FSIP2: variants seen among roughly 807,000 people sequenced by gnomAD.
The protein encoded by FSIP2 is fibrous sheath-interacting protein 2.
FSIP2 carries 367 observed loss-of-function variants against 510.5 expected under a neutral mutation model. That is an observed-to-expected ratio of 0.72 (90% CI 0.66 to 0.78). FSIP2 has a LOEUF of 0.78. FSIP2 is among the 30% of genes least tolerant of loss of function. The pLI is 0.00. For missense variants in FSIP2, 7,594 were observed against 7,901.7 expected (o/e 0.96, Z 1.48); for synonymous variants, 2,601 against 2,732.2 (o/e 0.95, Z 1.50).
chr2:185,803,847 T>C lies in FSIP2; in HGVS notation c.14541T>C (p.Tyr4847=). The C allele has an allele frequency of 2.6e-6, 4 of 1,509,624 alleles. No homozygotes were observed. Among genetic ancestry groups the C allele is most frequent in the African/African-American group, 1.4e-5 (1 of 71,784 alleles). 93.5% of individuals were successfully genotyped at this position (1,509,624 alleles called of 1,614,324 possible). The change falls in exon 17 of 23, where the codon TAT becomes TAC. Residue 4847 remains tyrosine (Y), a synonymous_variant. Coordinates refer to ENST00000424728, the MANE Select transcript of FSIP2 (RefSeq NM_173651.4). ...ISKHEICIIK[Y]GNKKQSMISA... ...AACATGAAATATGTATTATTAAATA[T>C]GGGAATAAAAAACAGAGTATGATTT...
chr2:185,795,896 T>G lies in FSIP2; in HGVS notation c.8760T>G (p.Ile2920Met). Residue 2920 changes from isoleucine to methionine, a missense_variant, in exon 16 of 23, where the codon ATT becomes ATG. Ile to Met is a conservative substitution (Grantham distance 10). Coordinates refer to ENST00000424728, the MANE Select transcript of FSIP2 (RefSeq NM_173651.4). Reference protein sequence around the residue: ...KAQINMFGREIVEMLLEKLQL... With the variant: ...KAQINMFGREMVEMLLEKLQL... ...AAATTAATATGTTTGGAAGGGAAATTGTTGAAATGCTACTTGAAAAACTAC... is the reference window on the plus strand; with the variant it reads ...AAATTAATATGTTTGGAAGGGAAATGGTTGAAATGCTACTTGAAAAACTAC... The G allele has an allele frequency of 6.5e-7, 1 of 1,533,562 alleles. No individual in the cohort carries two copies. The allele number at this position is 1,533,562 out of a possible 1,614,324, so 95.0% of individuals were successfully genotyped here.
At position 185,803,846 on chromosome 2, in the gene FSIP2, ATGGG is replaced by A; in HGVS notation, c.14541_14544del (p.Tyr4847Ter). ...AAACATGAAATATGTATTATTAAAT[ATGGG>A]AATAAAAAACAGAGTATGATTTCAG... is the stretch of plus-strand genomic sequence containing the variant. On this transcript the variant is annotated frameshift_variant, in exon 17 of 23. Coordinates refer to ENST00000424728, the MANE Select transcript of FSIP2 (RefSeq NM_173651.4). LOFTEE classifies it high-confidence loss of function. The A allele has an allele frequency of 6.6e-7, 1 of 1,508,674 alleles. No individual in the cohort carries two copies. The highest frequency in any genetic ancestry group is 2.1e-5 in the Admixed American group (1 of 47,564). 93.5% of individuals were successfully genotyped at this position (1,508,674 alleles called of 1,614,324 possible). A position where few individuals can be genotyped will look rare whatever the true frequency, so the allele number is the denominator to read the frequency against.
chr2:185,832,760 G>A (rs1694131118), intron 22 of FSIP2, among the ~76,000 whole-genome samples: 1 of 151,814 alleles, frequency 6.6e-6, no homozygotes, highest in South Asian at 2.1e-4. Flanking sequence ...ACTCAAAGTA[G>A]GTGAGAATTT....
chr2:185,794,672 C>A lies in FSIP2; in HGVS notation c.7536C>A (p.Ala2512=). 6.5e-7 allele frequency: 1 copy of A among 1,533,128 alleles called. No homozygotes were observed. The allele number at this position is 1,533,128 out of a possible 1,614,324, so 95.0% of individuals were successfully genotyped here. Residue 2512 remains alanine, a synonymous_variant, in exon 16 of 23, where the codon GCC becomes GCA. Transcript: ENST00000424728. ...TGHLPPLNET[A]NFISNSKIKT... ...ATTTGCCTCCACTTAATGAAACTGC[C>A]AACTTTATATCTAATTCTAAGATTA...
chr2:185,772,467 A>G (rs1397744739), intron 13 of FSIP2, among the ~76,000 whole-genome samples: 2 of 152,218 alleles, frequency 1.3e-5, no homozygotes, highest in African/African-American at 4.8e-5. Flanking sequence ...GCTTCCACTC[A>G]TGGCAGAAGG....
At chr2:185,774,392 T>A (rs990640583) in intron 13 of FSIP2, among the ~76,000 whole-genome samples, 2 of 152,188 alleles carry the variant, frequency 1.3e-5, no homozygotes, top group African/African-American at 4.8e-5. Context: ...GTGTCTTTAG[T>A]TAATAATATG....
intron 13 of FSIP2, among the ~76,000 whole-genome samples, chr2:185,771,862 A>G (rs1692614231): frequency 1.3e-5 from 2 of 152,170 alleles, no homozygotes; most frequent in African/African-American, 4.8e-5. Flanking sequence ...TCCCTTTTAA[A>G]TATAAGTTCC....
intron 2 of FSIP2, chr2:185,740,265 G>C (rs891032142): frequency 1.3e-5 from 2 of 152,140 alleles, no homozygotes; most frequent in Non-Finnish European, 2.9e-5. Context: ...TAGAGTTCAC[G>C]TTGCCCTTGA....
At chr2:185,737,393 T>C (rs772411597), upstream of FSIP2, among the ~76,000 whole-genome samples, 1 of 152,158 alleles carries the variant, frequency 6.6e-6, no homozygotes, top group Non-Finnish European at 1.5e-5. Context: ...ATCAAATTGA[T>C]ACAAGATGGA....
At chr2:185,771,540 T>C (rs1347982877) in intron 13 of FSIP2, among the ~76,000 whole-genome samples, 1 of 152,060 alleles carries the variant, frequency 6.6e-6, no homozygotes, top group African/African-American at 2.4e-5. Flanking sequence ...GGAGCTGGAG[T>C]GGCCAGGATG....
chr2:185,803,682 T>G lies in FSIP2; in HGVS notation c.14376T>G (p.Ser4792Arg). Residue 4792 changes from serine (S) to arginine (R), a missense_variant, in exon 17 of 23, where the codon AGT becomes AGG. By Grantham distance (110) the Ser-to-Arg change is moderately radical. Transcript: ENST00000424728. Reference sequence around the variant, plus strand: ...TGTATACCACTATGTTATCACATAGTCATTTGGAAAAAATAGTTACTCAGC... The same window carrying G: ...TGTATACCACTATGTTATCACATAGGCATTTGGAAAAAATAGTTACTCAGC... ...STMYTTMLSH[S>R]HLEKIVTQLT... 2 of 1,532,112 alleles carry G rather than the reference T, an allele frequency of 1.3e-6. No homozygotes were observed. Among genetic ancestry groups the G allele is most frequent in the Non-Finnish European group, 1.7e-6 (2 of 1,144,324 alleles). 94.9% of individuals were successfully genotyped at this position (1,532,112 alleles called of 1,614,324 possible). A position where few individuals can be genotyped will look rare whatever the true frequency, so the allele number is the denominator to read the frequency against.
chr2:185,810,785 A>C (rs1389326983), intron 17 of FSIP2, among the ~76,000 whole-genome samples: 1 of 151,988 alleles, frequency 6.6e-6, no homozygotes, highest in Non-Finnish European at 1.5e-5. Flanking sequence ...AGGAAGATTA[A>C]GGAGAGTTTG....
chr2:185,758,702 G>A (rs1326169396), intron 9 of FSIP2, among the ~76,000 whole-genome samples: 3 of 151,082 alleles, frequency 2.0e-5, no homozygotes, highest in Non-Finnish European at 3.0e-5. Context: ...TACCTGGGAA[G>A]ACAGGAAGAT....
At position 185,797,485 on chromosome 2, in the gene FSIP2, C is replaced by T; in HGVS notation, c.10349C>T (p.Thr3450Ile). 3 of 1,515,020 alleles carry T rather than the reference C, an allele frequency of 2.0e-6. No individual in the cohort carries two copies. Among genetic ancestry groups the T allele is most frequent in the South Asian group, 2.5e-5 (2 of 79,482 alleles). The allele number at this position is 1,515,020 out of a possible 1,614,324, so 93.8% of individuals were successfully genotyped here. ...NEVHLIARHVTTSVVTYLKNF... is the reference protein window; with the variant it reads ...NEVHLIARHVITSVVTYLKNF... ...GTTCATCTGATAGCAAGACATGTCA[C>T]CACATCTGTGGTCACATATTTGAAG... The change falls in exon 16 of 23, where the codon ACC (threonine) becomes ATC (isoleucine). Residue 3450 changes from threonine to isoleucine, a missense_variant. Physicochemically the swap from Thr to Ile is moderately conservative, Grantham distance 89. Coordinates refer to ENST00000424728, the MANE Select transcript of FSIP2 (RefSeq NM_173651.4).
chr2:185,808,693 T>G lies in FSIP2; in HGVS notation c.19387T>G (p.Ser6463Ala). ...KVASLIIDGV[S>A]SFPLDTINST... ...GGCTAGTTTAATTATTGATGGAGTT[T>G]CAAGTTTTCCATTAGATACAATTAA... The change falls in exon 17 of 23, where the codon TCA (serine) becomes GCA (alanine). Residue 6463 changes from serine (S) to alanine (A), a missense_variant. Transcript: ENST00000424728. The G allele has an allele frequency of 2.5e-6, 4 of 1,611,074 alleles. No individual in the cohort carries two copies. The highest frequency in any genetic ancestry group is 3.4e-6 in the Non-Finnish European group (4 of 1,178,406).
At chr2:185,832,524 C>T (rs183815903) in intron 22 of FSIP2, among the ~76,000 whole-genome samples, 9 of 151,826 alleles carry the variant, frequency 5.9e-5, no homozygotes, top group African/African-American at 1.7e-4. Context: ...GTGGCCCTAT[C>T]GCAACTTATT....
chr2:185,832,854 C>T (rs1377398315), intron 22 of FSIP2, among the ~76,000 whole-genome samples: 1 of 151,756 alleles, frequency 6.6e-6, no homozygotes, highest in East Asian at 1.9e-4. Flanking sequence ...AGTTAATTTC[C>T]CATTTAACTC....
At chr2:185,773,485 T>G (rs1692653476) in intron 13 of FSIP2, among the ~76,000 whole-genome samples, 1 of 152,196 alleles carries the variant, frequency 6.6e-6, no homozygotes, top group African/African-American at 2.4e-5. Context: ...TTAGATCACC[T>G]GATATTTTCC....
chr2:185,795,848 T>C lies in FSIP2; in HGVS notation c.8712T>C (p.Thr2904=), dbSNP rs1693258330. 2 of 1,532,426 alleles carry C rather than the reference T, an allele frequency of 1.3e-6. No homozygotes were observed. Among genetic ancestry groups the C allele is most frequent in the Non-Finnish European group, 8.7e-7 (1 of 1,145,476 alleles). 94.9% of individuals were successfully genotyped at this position (1,532,426 alleles called of 1,614,324 possible). ...ATAATCATTTTAAAGGAGCTTCTAC[T>C]AGAGCCGAGGATACTAAAGCACAAA... ...RFYNHFKGAS[T]RAEDTKAQIN... is the part of the protein sequence containing the mutation. The change falls in exon 16 of 23, where the codon ACT becomes ACC. Residue 2904 remains threonine (T), a synonymous_variant. Coordinates refer to ENST00000424728, the MANE Select transcript of FSIP2 (RefSeq NM_173651.4).
Sources: gnomAD v4.1 joint callset for allele counts (sites outside exome capture counted in the v4.1 genomes callset) on GRCh38, gnomAD v4.1.1 for gene constraint, MANE v1.5 for transcripts, NCBI Gene and HGNC (gene_info 2026-07-23, HGNC 2026-07-21) for gene names.